Variants in RALGAPA2 observed in about 807,000 individuals in gnomAD.
RALGAPA2 encodes Ral GTPase activating protein catalytic subunit alpha 2, also known as ral GTPase-activating protein subunit alpha-2.
RALGAPA2 carries 139 observed loss-of-function variants against 230.4 expected under a neutral mutation model. The ratio of observed to expected loss-of-function variants is 0.60; its 90% CI spans 0.53 to 0.69. The LOEUF (loss-of-function observed/expected upper bound fraction) is 0.69. Among genes scored for constraint, RALGAPA2 ranks in the 30% least tolerant of loss-of-function variants. The pLI, the probability that RALGAPA2 is intolerant of heterozygous loss-of-function variation, is 0.00. For synonymous variants in RALGAPA2, 847 were observed against 837.8 expected (o/e 1.01, Z -0.19); for missense variants, 2,163 against 2,276.0 (o/e 0.95, Z 1.01).
chr20:20,614,455 T>C (rs1213787419), intron 13 of RALGAPA2, among the ~76,000 whole-genome samples: 1 of 152,228 alleles, frequency 6.6e-6, no homozygotes, highest in Non-Finnish European at 1.5e-5. Context: ...CAGGAACAGA[T>C]ATTTCAGTTG....
chr20:20,652,415 T>C (rs1411185391), intron 4 of RALGAPA2, among the ~76,000 whole-genome samples: 1 of 152,202 alleles, frequency 6.6e-6, no homozygotes, highest in East Asian at 1.9e-4. Flanking sequence ...ACTTCTTTCA[T>C]AGAGACAATT....
At chr20:20,600,876 C>A (rs2065620269) in intron 16 of RALGAPA2, among the ~76,000 whole-genome samples, 1 of 152,134 alleles carries the variant, frequency 6.6e-6, no homozygotes, top group Non-Finnish European at 1.5e-5. Flanking sequence ...CCGAGGCGGG[C>A]AGATCACGAG....
intron 9 of RALGAPA2, among the ~76,000 whole-genome samples, chr20:20,631,584 C>T (rs1424418745): frequency 6.6e-6 from 1 of 152,172 alleles, no homozygotes; most frequent in Non-Finnish European, 1.5e-5. Flanking sequence ...CTTCTAGAAG[C>T]TGGACATGGC....
chr20:20,634,823 A>T (rs957214467), intron 9 of RALGAPA2, among the ~76,000 whole-genome samples: 2 of 152,130 alleles, frequency 1.3e-5, no homozygotes, highest in South Asian at 4.1e-4. Flanking sequence ...AAAGACCCCA[A>T]TTGTGTATGG....
chr20:20,584,359 T>C (rs891104878), intron 19 of RALGAPA2, among the ~76,000 whole-genome samples: 8 of 152,212 alleles, frequency 5.3e-5, no homozygotes, highest in African/African-American at 1.9e-4. Context: ...CAGTCTCTGA[T>C]GTACCACTCA....
chr20:20,598,463 G>T (rs938473314), intron 16 of RALGAPA2, among the ~76,000 whole-genome samples: 2 of 151,994 alleles, frequency 1.3e-5, no homozygotes. Flanking sequence ...AATTGTTATT[G>T]CCAAGACCAA....
Position 20,513,063 on chromosome 20 carries a change from G to A in RALGAPA2, c.4306C>T (p.Leu1436Phe). Reference sequence around the variant, plus strand: ...GTGGGTGTCTGAAGGTAGGAGATGAGGGTGCTATCATTAAATACAAACAGC... The same window carrying A: ...GTGGGTGTCTGAAGGTAGGAGATGAAGGTGCTATCATTAAATACAAACAGC... ...LQLFVFNDSTLISYLQTPTEG... is the reference protein window; with the variant it reads ...LQLFVFNDSTFISYLQTPTEG... The change falls in exon 32 of 40, where the codon CTC becomes TTC. Residue 1436 changes from leucine to phenylalanine, a missense_variant. By Grantham distance (22) the Leu-to-Phe change is conservative. Coordinates refer to ENST00000202677, the MANE Select transcript of RALGAPA2 (RefSeq NM_020343.4). 6.2e-7 allele frequency: 1 copy of A among 1,610,470 alleles called. No individual in the cohort carries two copies. Among genetic ancestry groups the A allele is most frequent in the Non-Finnish European group, 8.5e-7 (1 of 1,178,584 alleles).
At chr20:20,612,847 A>T (rs1282358524) in intron 13 of RALGAPA2, among the ~76,000 whole-genome samples, 1 of 152,166 alleles carries the variant, frequency 6.6e-6, no homozygotes, top group African/African-American at 2.4e-5. Flanking sequence ...ACCTAGTATC[A>T]CCACTGCCCA....
At chr20:20,421,606 G>A (rs901220863) in intron 37 of RALGAPA2, among the ~76,000 whole-genome samples, 9 of 152,162 alleles carry the variant, frequency 5.9e-5, no homozygotes, top group Non-Finnish European at 1.3e-4. Context: ...GGAGGCGGAG[G>A]TTGCAGTGAG....
chr20:20,396,819 T>A, intron 38 of RALGAPA2, 85 bp from the exon 39 acceptor site: 1 of 1,161,968 alleles, frequency 8.6e-7, no homozygotes, highest in Admixed American at 1.8e-5. Flanking sequence ...GTGCTAATAA[T>A]ACATTTATCC....
At chr20:20,653,493 A>G (rs779546378) in intron 4 of RALGAPA2, 37 bp downstream of exon 4, 1 of 1,132,952 alleles carries the variant, frequency 8.8e-7, no homozygotes, top group African/African-American at 1.6e-5. Context: ...CAACTGGAAG[A>G]AATTCATATT....
intron 3 of RALGAPA2, among the ~76,000 whole-genome samples, chr20:20,673,654 C>A (rs1444296901): frequency 6.6e-6 from 1 of 151,924 alleles, no homozygotes; most frequent in African/African-American, 2.4e-5. Context: ...TGGTTAAAAT[C>A]TTCACATAAG....
At chr20:20,641,903 T>G (rs372996094) in intron 5 of RALGAPA2, among the ~76,000 whole-genome samples, 1 of 151,574 alleles carries the variant, frequency 6.6e-6, no homozygotes, top group South Asian at 2.1e-4. Flanking sequence ...TTTCTCCCAA[T>G]AGAAGCCAAA....
chr20:20,604,297 A>C (rs1046089845), intron 15 of RALGAPA2, among the ~76,000 whole-genome samples: 2 of 152,216 alleles, frequency 1.3e-5, no homozygotes, highest in African/African-American at 4.8e-5. Context: ...AATTAAGGGG[A>C]TGCCAAATTG....
chr20:20,439,941 G>T (rs1158154270), intron 37 of RALGAPA2, among the ~76,000 whole-genome samples: 1 of 152,220 alleles, frequency 6.6e-6, no homozygotes, highest in African/African-American at 2.4e-5. Flanking sequence ...TGTTCTTGCT[G>T]TTTGGGGAAA....
At chr20:20,473,628 C>A (rs2061586872) in intron 36 of RALGAPA2, among the ~76,000 whole-genome samples, 1 of 152,152 alleles carries the variant, frequency 6.6e-6, no homozygotes, top group African/African-American at 2.4e-5. Context: ...ATTACAGTTG[C>A]ACCACCACAC....
At chr20:20,488,908 A>C (rs1448563188) in intron 36 of RALGAPA2, among the ~76,000 whole-genome samples, 1 of 152,202 alleles carries the variant, frequency 6.6e-6, no homozygotes. Context: ...GACTGAATGA[A>C]GCACTCCTGT....
At chr20:20,663,420 T>C (rs1481450143) in intron 3 of RALGAPA2, among the ~76,000 whole-genome samples, 2 of 152,168 alleles carry the variant, frequency 1.3e-5, no homozygotes, top group African/African-American at 4.8e-5. Flanking sequence ...TTCTTCACAA[T>C]TTCATAGAAG....
At chr20:20,500,846 T>C (rs2062353574) in intron 35 of RALGAPA2, among the ~76,000 whole-genome samples, 1 of 152,238 alleles carries the variant, frequency 6.6e-6, no homozygotes, top group African/African-American at 2.4e-5. Context: ...CTCCTTGATC[T>C]GTGGGTTGCA....
Sources: allele counts gnomAD v4.1 joint callset (sites outside exome capture counted in the v4.1 genomes callset), GRCh38; gene constraint gnomAD v4.1.1; transcripts MANE v1.5; gene names NCBI Gene and HGNC (gene_info 2026-07-23, HGNC 2026-07-21).